Variants in TTLL1 observed in about 807,000 individuals in gnomAD.
TTLL1 encodes the protein TTL family tubulin polyglutamylase complex subunit L1, also known as polyglutamylase complex subunit TTLL1.
TTLL1 carries 33 observed loss-of-function variants against 47.8 expected under a neutral mutation model. The ratio of observed to expected loss-of-function variants is 0.69; its 90% CI spans 0.52 to 0.92. TTLL1 has a LOEUF of 0.92. Ranked by LOEUF, TTLL1 falls within the 40% of genes least tolerant of loss-of-function variation. The probability of loss-of-function intolerance (pLI) is 0.00; values close to 1 mark genes in which losing one functional copy is unlikely to be tolerated. For missense variants in TTLL1, 488 were observed against 547.5 expected, an observed-to-expected ratio of 0.89 and a Z score of 1.08; for synonymous variants, 225 against 214.1, an observed-to-expected ratio of 1.05 and a Z score of -0.45.
intron 3 of TTLL1, 112 bp downstream of exon 3, chr22:43,075,362 G>A: frequency 2.3e-6 from 2 of 856,034 alleles, no homozygotes; most frequent in Non-Finnish European, 1.9e-6. Context: ...CGGGGAGATG[G>A]CACAATGACA....
intron 2 of TTLL1, among the ~76,000 whole-genome samples, chr22:43,076,770 TAAATC>T (rs900855751): frequency 6.7e-6 from 1 of 149,168 alleles, no homozygotes; most frequent in African/African-American, 2.5e-5. Context: ...ATAATAATAA[TAAATC>T]AAATAAAATA....
At chr22:43,066,170 A>AG (rs1927720922) in intron 5 of TTLL1, among the ~76,000 whole-genome samples, 1 of 148,888 alleles carries the variant, frequency 6.7e-6, no homozygotes, top group Non-Finnish European at 1.5e-5. Context: ...AAAAAAAAAA[A>AG]AATTAAAAAA....
At chr22:43,049,142 A>C in intron 9 of TTLL1, among the ~76,000 whole-genome samples, 1 of 151,998 alleles carries the variant, frequency 6.6e-6, no homozygotes, top group Admixed American at 6.6e-5. Context: ...AAAAAAAAAA[A>C]AAAAGGCTGG....
intron 10 of TTLL1, among the ~76,000 whole-genome samples, chr22:43,042,538 A>G (rs1925768186): frequency 1.3e-5 from 2 of 152,370 alleles, no homozygotes; most frequent in Admixed American, 6.5e-5. Context: ...GCAAAGTGCC[A>G]GGCCTTGTAG....
At position 43,069,678 on chromosome 22, in the gene TTLL1, GA is replaced by G. The variant is rs772881340; in HGVS notation, c.279del (p.Pro94LeufsTer31). The G allele has an allele frequency of 2.0e-5, 33 of 1,614,046 alleles. No homozygotes were observed. The highest frequency in any genetic ancestry group is 2.7e-5 in the Non-Finnish European group (32 of 1,180,036). On this transcript the variant is annotated frameshift_variant, in exon 4 of 11. Coordinates refer to ENST00000266254, the MANE Select transcript of TTLL1 (RefSeq NM_012263.5). LOFTEE classifies it high-confidence loss of function. ...RYRKELEKEG[S>X]PLAEKDENGK... ...CCATTTTCATCTTTTTCTGCCAGAG[GA>G]CTCCCTTCTTTCTCCAGCTCCTTCC...
chr22:43,049,646 G>A (rs547883824), intron 9 of TTLL1, among the ~76,000 whole-genome samples: 1 of 151,410 alleles, frequency 6.6e-6, no homozygotes, highest in African/African-American at 2.4e-5. Flanking sequence ...GCACATGCCT[G>A]TAATCCCAGC....
chr22:43,065,927 G>A (rs553247232), intron 5 of TTLL1, among the ~76,000 whole-genome samples: 1 of 151,952 alleles, frequency 6.6e-6, no homozygotes, highest in Non-Finnish European at 1.5e-5. Flanking sequence ...TTGGGAAGCC[G>A]AGGCAGGAGG....
chr22:43,045,883 T>A (rs1052937259), intron 10 of TTLL1, among the ~76,000 whole-genome samples: 7 of 152,090 alleles, frequency 4.6e-5, no homozygotes, highest in Admixed American at 1.3e-4. Flanking sequence ...ACCACACATA[T>A]GTTTTGAGTA....
intron 3 of TTLL1, among the ~76,000 whole-genome samples, chr22:43,074,628 T>G (rs974405126): frequency 6.6e-6 from 1 of 151,500 alleles, no homozygotes; most frequent in Non-Finnish European, 1.5e-5. Context: ...ATCACTTGAG[T>G]CCAGGAGTTT....
At chr22:43,042,002 G>A (rs907383910) in intron 10 of TTLL1, among the ~76,000 whole-genome samples, 1 of 151,696 alleles carries the variant, frequency 6.6e-6, no homozygotes, top group East Asian at 1.9e-4. Flanking sequence ...AATCTGCCTG[G>A]GTGGGGGGGG....
chr22:43,042,196 G>A (rs1443029926), intron 10 of TTLL1, among the ~76,000 whole-genome samples: 4 of 152,210 alleles, frequency 2.6e-5, no homozygotes, highest in Non-Finnish European at 2.9e-5. Context: ...CTGGTGGATA[G>A]GAATCTACTG....
intron 7 of TTLL1, among the ~76,000 whole-genome samples, chr22:43,063,125 T>C (rs1927492783): frequency 6.6e-6 from 1 of 152,130 alleles, no homozygotes. Context: ...TCAGGGATGG[T>C]CTAAGCAGAA....
At chr22:43,082,345 A>C (rs1324621797) in intron 1 of TTLL1, among the ~76,000 whole-genome samples, 1 of 152,080 alleles carries the variant, frequency 6.6e-6, no homozygotes, top group Non-Finnish European at 1.5e-5. Context: ...AGACAGCTAC[A>C]TTTCCAGGAG....
intron 8 of TTLL1, among the ~76,000 whole-genome samples, chr22:43,056,228 G>A (rs572803709): frequency 3.2e-4 from 48 of 151,794 alleles, no homozygotes; most frequent in South Asian, 1.7e-3. Context: ...GCGTGGTGGC[G>A]CGCACTTGTA....
chr22:43,075,642 T>G, intron 2 of TTLL1, 52 bp from the exon 3 acceptor site: 3 of 1,515,746 alleles, frequency 2.0e-6, no homozygotes, highest in Non-Finnish European at 2.7e-6. Flanking sequence ...CTCACTTCCC[T>G]TTAAACCCAA....
At chr22:43,053,007 C>G (rs976028769) in intron 8 of TTLL1, among the ~76,000 whole-genome samples, 1 of 152,064 alleles carries the variant, frequency 6.6e-6, no homozygotes, top group Non-Finnish European at 1.5e-5. Context: ...TTGCAGTAAG[C>G]CGAGACTGCG....
intron 8 of TTLL1, among the ~76,000 whole-genome samples, chr22:43,054,423 C>A (rs908443373): frequency 7.2e-6 from 1 of 139,248 alleles, no homozygotes; most frequent in Non-Finnish European, 1.6e-5. Context: ...GACATAATCT[C>A]TTTTTTTTTT....
At chr22:43,041,768 G>A (rs371200154) in intron 10 of TTLL1, among the ~76,000 whole-genome samples, 1 of 151,994 alleles carries the variant, frequency 6.6e-6, no homozygotes, top group Admixed American at 6.6e-5. Context: ...TTCCTGCCTC[G>A]GTCTCCCAAA....
intron 1 of TTLL1, among the ~76,000 whole-genome samples, chr22:43,080,902 CTTTTTTTTTTTTTT>C (rs10529079): frequency 5.3e-4 from 37 of 69,300 alleles, no homozygotes; most frequent in Middle Eastern, 7.9e-3. Context: ...TGTTGCATGA[CTTTTTTTTTTTTTT>C]TTTTTTTTTT....
Sources: allele counts gnomAD v4.1 joint callset (sites outside exome capture counted in the v4.1 genomes callset), GRCh38; gene constraint gnomAD v4.1.1; transcripts MANE v1.5; gene names NCBI Gene and HGNC (gene_info 2026-07-23, HGNC 2026-07-21).